The following PCDHA2 variants were observed in gnomAD, a reference collection of about 807,000 sequenced individuals.
PCDHA2 encodes protocadherin alpha 2.
In PCDHA2, 58 loss-of-function variants were observed where a neutral mutation model predicts 66.0. The observed-to-expected ratio is 0.88, with a 90% CI of 0.71 to 1.09. The LOEUF (loss-of-function observed/expected upper bound fraction) is 1.09, where lower values mean the gene tolerates loss of function less well. Among genes scored for constraint, PCDHA2 ranks in the 50% least tolerant of loss-of-function variants. The pLI is 0.00. For synonymous variants in PCDHA2, 634 were observed against 554.0 expected, an observed-to-expected ratio of 1.14 and a Z score of -2.03; for missense variants, 1,267 against 1,242.3, an observed-to-expected ratio of 1.02 and a Z score of -0.30.
intron 1 of PCDHA2, chr5:140,848,167 C>A (rs1554142004): frequency 3.9e-6 from 1 of 254,352 alleles, no homozygotes; most frequent in African/African-American, 2.2e-5. Context: ...TAAGAAGGCT[C>A]CAGCAAGAGA....
At chr5:140,869,419 C>G (rs782550413) in intron 1 of PCDHA2, 10 of 1,614,078 alleles carry the variant, frequency 6.2e-6, no homozygotes, top group African/African-American at 1.3e-5. Context: ...CAGCATCCAC[C>G]TGGAGGTGAT....
rs1554203742 is a variant in PCDHA2 at position 140,926,854 on chromosome 5, G to A, written c.2389-52095G>A. 10 of 1,520,530 alleles carry A rather than the reference G, an allele frequency of 6.6e-6. No homozygotes were observed. In the South Asian group the frequency reaches 1.3e-4, roughly 20 times the overall value. The allele number at this position is 1,520,530 out of a possible 1,614,324, so 94.2% of individuals were successfully genotyped here. On this transcript the variant is annotated intron_variant, in intron 1 of 3. Transcript: ENST00000526136. Reference sequence around the variant, plus strand: ...GGAGCATGGTCCTGGGTCACCGTTGGTGTAGCGTGTTGGTGGAACGTGGAC... The same window carrying A: ...GGAGCATGGTCCTGGGTCACCGTTGATGTAGCGTGTTGGTGGAACGTGGAC...
chr5:140,865,961 T>C (rs1314413159), intron 1 of PCDHA2: 9 of 152,210 alleles, frequency 5.9e-5, no homozygotes, highest in Admixed American at 5.9e-4. Context: ...ATTAATTTTG[T>C]ACAATGTGTG....
In PCDHA2 at chr5:140,969,008, G is replaced by C. The variant is rs782541476; in HGVS notation, c.2389-9941G>C. 29 of 1,614,076 alleles carry C rather than the reference G, an allele frequency of 1.8e-5. 1 individual carries two copies. In the Admixed American group the frequency reaches 4.8e-4, roughly 27 times the overall value. Reference sequence around the variant, plus strand: ...TGCATGCTGTGGAGGCTTCTGTGGAGTAAGGGAAAGGTCCCCTGCAGAACT... The same window carrying C: ...TGCATGCTGTGGAGGCTTCTGTGGACTAAGGGAAAGGTCCCCTGCAGAACT... On this transcript the variant is annotated intron_variant, in intron 1 of 3. Coordinates refer to ENST00000526136, the MANE Select transcript of PCDHA2 (RefSeq NM_018905.3).
chr5:140,877,944 A>C (rs538675333), intron 1 of PCDHA2: 48 of 1,359,672 alleles, frequency 3.5e-5, no homozygotes, highest in Non-Finnish European at 4.6e-5. Context: ...CCTTTAAACT[A>C]TCGAATGTCT....
At position 141,011,517 on chromosome 5, in the gene PCDHA2, T is replaced by C. The variant is rs1397450262; in HGVS notation, c.*1580T>C. 2.6e-5 allele frequency: 4 copies of C among 153,768 alleles called. No individual in the cohort carries two copies. The highest frequency in any genetic ancestry group is 5.9e-5 in the Non-Finnish European group (4 of 68,028). The allele number at this position is 153,768 out of a possible 1,614,324, so 9.5% of individuals were successfully genotyped here. On this transcript the variant is annotated 3_prime_UTR_variant, in exon 4 of 4. Transcript: ENST00000526136. Reference sequence around the variant, plus strand: ...ACCTGTGAAAAAGTGGAGTAGTGTTTTTTTAACCATTGTTAATCAGCTTTT... The same window carrying C: ...ACCTGTGAAAAAGTGGAGTAGTGTTCTTTTAACCATTGTTAATCAGCTTTT...
intron 1 of PCDHA2, among the ~76,000 whole-genome samples, chr5:140,899,326 T>G (rs1203153086): frequency 6.6e-6 from 1 of 152,230 alleles, no homozygotes; most frequent in Non-Finnish European, 1.5e-5. Flanking sequence ...TGGCTGTGGG[T>G]TTGTCATAGA....
At chr5:140,937,866 C>T (rs892440956) in intron 1 of PCDHA2, among the ~76,000 whole-genome samples, 4 of 150,734 alleles carry the variant, frequency 2.7e-5, no homozygotes, top group African/African-American at 4.9e-5. Flanking sequence ...GAGCCGAGAT[C>T]GCGCCACTGC....
At chr5:140,842,603 C>CG in intron 1 of PCDHA2, 2 of 1,548,222 alleles carry the variant, frequency 1.3e-6, no homozygotes, top group Non-Finnish European at 1.8e-6. Flanking sequence ...GGTAACCGCG[C>CG]GGGACGGGGG....
chr5:140,867,957 CA>C (rs1271215913), intron 1 of PCDHA2: 1 of 152,006 alleles, frequency 6.6e-6, no homozygotes, highest in Non-Finnish European at 1.5e-5. Flanking sequence ...CTCCCAAACC[CA>C]AAATTCTTTC....
At chr5:140,863,088 CACG>C (rs782667679) in intron 1 of PCDHA2, 19 of 574,542 alleles carry the variant, frequency 3.3e-5, no homozygotes, top group Admixed American at 1.7e-4. Context: ...GCGAGATCAG[CACG>C]ACGAGTACCC....
intron 1 of PCDHA2, chr5:140,835,991 C>T (rs781942603): frequency 1.2e-6 from 2 of 1,613,268 alleles, no homozygotes; most frequent in Non-Finnish European, 1.7e-6. Context: ...TCCAGGTGAG[C>T]GCGCGCGATG....
chr5:140,876,715 C>A (rs570565884), intron 1 of PCDHA2: 7 of 1,614,232 alleles, frequency 4.3e-6, no homozygotes, highest in East Asian at 2.2e-5. Context: ...CGCCCTGGAC[C>A]GCGAGAGCGT....
chr5:140,926,323 G>C (rs977416438), intron 1 of PCDHA2: 1 of 152,270 alleles, frequency 6.6e-6, no homozygotes, highest in South Asian at 2.1e-4. Flanking sequence ...GGTGCGCCGG[G>C]GTCAGAGCGC....
At chr5:140,862,122 G>A (rs2047215545) in intron 1 of PCDHA2, 2 of 161,786 alleles carry the variant, frequency 1.2e-5, no homozygotes, top group Admixed American at 5.7e-5. Flanking sequence ...ATAAATAAAT[G>A]TAAAGATAGG....
intron 1 of PCDHA2, chr5:140,821,431 T>C (rs1300561575): frequency 1.5e-5 from 3 of 193,748 alleles, no homozygotes; most frequent in African/African-American, 2.3e-5. Context: ...ATATTTTGAC[T>C]AGAGATAAGT....
intron 1 of PCDHA2, chr5:140,841,944 A>G (rs1554138658): frequency 6.2e-7 from 1 of 1,613,794 alleles, no homozygotes; most frequent in African/African-American, 1.3e-5. Context: ...GCTCCTGCGC[A>G]CCACTTATTC....
At chr5:140,947,610 C>T (rs989640335) in intron 1 of PCDHA2, among the ~76,000 whole-genome samples, 3 of 151,562 alleles carry the variant, frequency 2.0e-5, no homozygotes, top group South Asian at 2.1e-4. Flanking sequence ...GATTTGGTAT[C>T]TTAACAATAT....
chr5:140,855,025 A>G (rs2043311699), intron 1 of PCDHA2, among the ~76,000 whole-genome samples: 1 of 149,914 alleles, frequency 6.7e-6, no homozygotes. Context: ...AACTTCTTGT[A>G]TAAAGGATTT....
Sources: gnomAD v4.1 joint callset for allele counts (sites outside exome capture counted in the v4.1 genomes callset) on GRCh38, gnomAD v4.1.1 for gene constraint, MANE v1.5 for transcripts, NCBI Gene and HGNC (gene_info 2026-07-23, HGNC 2026-07-21) for gene names.